The following INO80D variants were observed in gnomAD, a reference collection of about 807,000 sequenced individuals.
INO80D encodes INO80 complex subunit D.
Under a neutral mutation model 87.6 loss-of-function variants are expected in INO80D, and 21 were observed. That is an observed-to-expected ratio of 0.24 (90% CI 0.17 to 0.35). The LOEUF is 0.35. Ranked by LOEUF, INO80D falls within the 10% of genes least tolerant of loss-of-function variation. INO80D has a pLI of 1.00. For synonymous variants in INO80D, 440 were observed against 491.0 expected (o/e 0.90, Z 1.37); for missense variants, 982 against 1,280.7 (o/e 0.77, Z 3.56).
chr2:206,063,221 C>T lies in INO80D; in HGVS notation c.-100G>A, dbSNP rs1005629246. 2.4e-5 allele frequency: 14 copies of T among 573,562 alleles called. No homozygotes were observed. In the Middle Eastern group the frequency reaches 1.3e-3, roughly 55 times the overall value. The allele number at this position is 573,562 out of a possible 1,614,324, so 35.5% of individuals were successfully genotyped here. On this transcript the variant is annotated 5_prime_UTR_variant, in exon 2 of 11. Coordinates refer to ENST00000403263, the MANE Select transcript of INO80D (RefSeq NM_017759.5). Reference sequence around the variant, plus strand: ...AAGGATACCACAGTTTGGAATGCCGCAGAATCAGGATGAAGCAGATTGTCT... The same window carrying T: ...AAGGATACCACAGTTTGGAATGCCGTAGAATCAGGATGAAGCAGATTGTCT...
At chr2:206,029,178 G>A (rs566282503) in intron 5 of INO80D, among the ~76,000 whole-genome samples, 81 of 152,150 alleles carry the variant, frequency 5.3e-4, no homozygotes, top group African/African-American at 1.7e-3. Flanking sequence ...ATGAGCCACC[G>A]AGCCCGGCCT....
At chr2:206,022,873 C>G (rs1688503559) in intron 6 of INO80D, among the ~76,000 whole-genome samples, 1 of 152,102 alleles carries the variant, frequency 6.6e-6, no homozygotes, top group African/African-American at 2.4e-5. Context: ...GCCACCACAC[C>G]CAGCCACCAT....
intron 1 of INO80D, among the ~76,000 whole-genome samples, chr2:206,082,929 T>A (rs531174357): frequency 6.6e-6 from 1 of 152,316 alleles, no homozygotes; most frequent in East Asian, 1.9e-4. Context: ...AAAGTTGGAA[T>A]GGGATATACA....
chr2:206,012,863 G>A (rs1688213886), intron 8 of INO80D, among the ~76,000 whole-genome samples: 2 of 101,624 alleles, frequency 2.0e-5, no homozygotes, highest in African/African-American at 3.6e-5. Flanking sequence ...AGAGAGACTT[G>A]TCTCAAAAAA....
intron 1 of INO80D, among the ~76,000 whole-genome samples, chr2:206,084,263 A>T (rs1690370387): frequency 6.8e-6 from 1 of 146,992 alleles, no homozygotes; most frequent in Non-Finnish European, 1.5e-5. Context: ...ACACACACAC[A>T]CACACACACA....
chr2:206,063,089 A>C (rs2105891082), intron 2 of INO80D, 44 bp from the exon 3 acceptor site: 3 of 1,027,748 alleles, frequency 2.9e-6, no homozygotes, highest in East Asian at 2.5e-5. Flanking sequence ...GATAAATCAG[A>C]GAGTATAAGG....
At chr2:206,016,157 G>A (rs1489553167) in intron 8 of INO80D, among the ~76,000 whole-genome samples, 2 of 148,520 alleles carry the variant, frequency 1.3e-5, no homozygotes, top group African/African-American at 4.8e-5. Flanking sequence ...AAAACAGCCA[G>A]GAGAGGGGCT....
rs572417910 is a variant in INO80D, at chr2:206,056,991, T to C, written c.219-48A>G. 100 of 1,491,606 alleles carry C rather than the reference T, an allele frequency of 6.7e-5. No homozygotes were observed. The South Asian group carries it at 1.4e-3, about 20-fold the overall frequency. 92.4% of individuals were successfully genotyped at this position (1,491,606 alleles called of 1,614,324 possible). ...GGAAAACAGTCATGATACATATTTT[T>C]TAAAAGTAGAACATAAAACTACATG... is the stretch of plus-strand genomic sequence containing the variant. On this transcript the variant is annotated intron_variant, in intron 3 of 10. Coordinates refer to ENST00000403263, the MANE Select transcript of INO80D (RefSeq NM_017759.5).
intron 4 of INO80D, among the ~76,000 whole-genome samples, chr2:206,052,518 G>C (rs539079504): frequency 6.6e-6 from 1 of 152,124 alleles, no homozygotes; most frequent in East Asian, 1.9e-4. Context: ...ATTTGAAAGA[G>C]AATCTGACAG....
chr2:206,035,614 C>A lies in INO80D; in HGVS notation c.1074-7279G>T, dbSNP rs562214235. Among the ~76,000 whole-genome samples, 31 of 152,240 alleles carry A rather than the reference C, an allele frequency of 2.0e-4. No homozygotes were observed. In the South Asian group the frequency reaches 5.8e-3, roughly 29 times the overall value. On this transcript the variant is annotated intron_variant, in intron 5 of 10. Coordinates refer to ENST00000403263, the MANE Select transcript of INO80D (RefSeq NM_017759.5). ...TCAATTAAGGACTTAAATCTAACACCTGAAACTATAAAAATTCTAATACTG... is the reference window on the plus strand; with the variant it reads ...TCAATTAAGGACTTAAATCTAACACATGAAACTATAAAAATTCTAATACTG...
intron 5 of INO80D, among the ~76,000 whole-genome samples, chr2:206,036,269 T>C (rs1393096231): frequency 1.3e-5 from 2 of 152,134 alleles, no homozygotes; most frequent in African/African-American, 4.8e-5. Context: ...GAAGTCATTA[T>C]GCAAAAAAGA....
intron 3 of INO80D, among the ~76,000 whole-genome samples, chr2:206,060,056 C>T (rs550903561): frequency 5.2e-4 from 79 of 152,052 alleles, no homozygotes; most frequent in African/African-American, 1.8e-3. Flanking sequence ...GTTTTCAAAA[C>T]TCGGCCAGCC....
intron 6 of INO80D, among the ~76,000 whole-genome samples, chr2:206,023,864 G>A (rs1688532819): frequency 6.6e-6 from 1 of 152,068 alleles, no homozygotes; most frequent in Non-Finnish European, 1.5e-5. Context: ...TGTTGTGGCA[G>A]TTATCATTAA....
At position 206,056,438 on chromosome 2, in the gene INO80D, T is replaced by C. The variant is rs1359161363; in HGVS notation, c.724A>G (p.Met242Val). The C allele has an allele frequency of 3.1e-6, 5 of 1,613,732 alleles. No homozygotes were observed. The African/African-American group carries it at 5.3e-5, about 17-fold the overall frequency. Residue 242 changes from methionine to valine, a missense_variant, in exon 4 of 11, where the codon ATG becomes GTG. Met to Val is a conservative substitution (Grantham distance 21, BLOSUM62 1). Coordinates refer to ENST00000403263, the MANE Select transcript of INO80D (RefSeq NM_017759.5). ...TGTGTGGTGGGTGCCACTCCCTGCA[T>C]TGGTAGGCTGGTGTTCTGAGGTTGA... ...SPQPQNTSLP[M>V]QGVAPTTHTI...
chr2:206,023,008 G>A (rs778374258), intron 6 of INO80D, among the ~76,000 whole-genome samples: 3 of 151,996 alleles, frequency 2.0e-5, no homozygotes. Context: ...AGACCAGCTT[G>A]GCCAACATGG....
chr2:206,077,518 C>T (rs1690152511), intron 1 of INO80D, among the ~76,000 whole-genome samples: 1 of 152,118 alleles, frequency 6.6e-6, no homozygotes, highest in African/African-American at 2.4e-5. Flanking sequence ...CTATAGAGCA[C>T]TTAAATACTA....
At chr2:206,023,680 T>TAAAAAAAAA (rs55665575) in intron 6 of INO80D, among the ~76,000 whole-genome samples, 1 of 101,520 alleles carries the variant, frequency 9.9e-6, no homozygotes, top group Non-Finnish European at 2.0e-5. Context: ...GAGACTCATC[T>TAAAAAAAAA]AAAAAAAAAA....
chr2:205,997,419 C>G lies in INO80D; in HGVS notation c.*6949G>C, dbSNP rs1377984302. The G allele has an allele frequency of 1.3e-5, 2 of 151,944 alleles. No homozygotes were observed. Among genetic ancestry groups the G allele is most frequent in the Non-Finnish European group, 2.9e-5 (2 of 67,936 alleles). 9.4% of individuals were successfully genotyped at this position (151,944 alleles called of 1,614,324 possible). A position where few individuals can be genotyped will look rare whatever the true frequency, so the allele number is the denominator to read the frequency against. On this transcript the variant is annotated 3_prime_UTR_variant, in exon 11 of 11. Coordinates refer to ENST00000403263, the MANE Select transcript of INO80D (RefSeq NM_017759.5). ...AATATGCACGGTGAAATGATCCCAC[C>G]AACTCCTTAAACAAAGCAGCCCCTT...
intron 4 of INO80D, among the ~76,000 whole-genome samples, chr2:206,053,128 T>A (rs544041339): frequency 1.3e-5 from 2 of 152,106 alleles, no homozygotes; most frequent in African/African-American, 2.4e-5. Flanking sequence ...TTTTTTTTTT[T>A]AAAAGCTAAA....
Sources: gnomAD v4.1 joint callset for allele counts (sites outside exome capture counted in the v4.1 genomes callset) on GRCh38, gnomAD v4.1.1 for gene constraint, MANE v1.5 for transcripts, NCBI Gene and HGNC (gene_info 2026-07-23, HGNC 2026-07-21) for gene names.